ANKRD30BL: variants seen among roughly 807,000 people sequenced by gnomAD.
ANKRD30BL encodes ankyrin repeat domain 30B like.
A neutral mutation model predicts 18.4 loss-of-function variants in ANKRD30BL; 20 were observed. The observed-to-expected ratio is 1.09, with a 90% confidence interval of 0.77 to 1.58. ANKRD30BL has a LOEUF of 1.58. Among genes scored for constraint, ANKRD30BL ranks in the 40% most tolerant of loss-of-function variants. ANKRD30BL has a pLI of 0.00. For missense variants in ANKRD30BL, 224 were observed against 268.6 expected, an observed-to-expected ratio of 0.83 and a Z score of 1.16; for synonymous variants, 72 against 100.9, an observed-to-expected ratio of 0.71 and a Z score of 1.72.
At chr2:132,228,568 G>A (rs372414899) in intron 1 of ANKRD30BL, among the ~76,000 whole-genome samples, 14 of 151,444 alleles carry the variant, frequency 9.2e-5, no homozygotes, top group Middle Eastern at 3.4e-3. Flanking sequence ...CATTTGGAGC[G>A]CTTTGAGGCC....
At chr2:132,160,655 C>T (rs1688031450) in intron 1 of ANKRD30BL, among the ~76,000 whole-genome samples, 1 of 151,140 alleles carries the variant, frequency 6.6e-6, no homozygotes, top group African/African-American at 2.4e-5. Flanking sequence ...GTCTCGATCT[C>T]CTGACCTCAT....
At chr2:132,231,476 G>T (rs564897355) in intron 1 of ANKRD30BL, among the ~76,000 whole-genome samples, 7 of 152,300 alleles carry the variant, frequency 4.6e-5, no homozygotes, top group Non-Finnish European at 8.8e-5. Context: ...AGGTCAGTGG[G>T]TGCACGCACC....
In ANKRD30BL at chr2:132,239,533, A is replaced by G. The variant is rs548855751; in HGVS notation, n.441+17996T>C. Among the ~76,000 whole-genome samples the G allele has an allele frequency of 2.2e-3, 337 of 151,984 alleles. 1 individual carries two copies. The highest frequency in any genetic ancestry group is 7.3e-3 in the African/African-American group (302 of 41,512). ...TGTGATGTGTGTACTCAACTCACAG[A>G]GTTGAGCTATTCTTTTGATAGAGCA... On this transcript the variant is annotated intron_variant and non_coding_transcript_variant, in intron 1 of 4. Transcript: ENST00000470729.
chr2:132,175,450 C>T (rs531139844), intron 1 of ANKRD30BL, among the ~76,000 whole-genome samples: 2 of 152,338 alleles, frequency 1.3e-5, no homozygotes, highest in South Asian at 2.1e-4. Context: ...GGTGGTTTTT[C>T]TCCTATCTCA....
At chr2:132,225,372 T>A (rs1436998195) in intron 1 of ANKRD30BL, among the ~76,000 whole-genome samples, 2 of 152,106 alleles carry the variant, frequency 1.3e-5, no homozygotes, top group African/African-American at 2.4e-5. Flanking sequence ...TTGTGATGTT[T>A]GCCTTAAACT....
rs571662092 is a variant in ANKRD30BL, at chr2:132,255,937, G to C, written n.441+1592C>G. ...CTGGCGGCACCCGACCCCCCGGCCG[G>C]GGACGGAGAGGGGCTGACTGGGTTG... On this transcript the variant is annotated intron_variant and non_coding_transcript_variant, in intron 1 of 4. Transcript: ENST00000470729. Among the ~76,000 whole-genome samples, 249 of 152,280 alleles carry C rather than the reference G, an allele frequency of 1.6e-3. 1 individual carries two copies. Among genetic ancestry groups the C allele is most frequent in the African/African-American group, 5.7e-3 (235 of 41,568 alleles).
At chr2:132,150,609 C>T (rs1449137425) in intron 5 of ANKRD30BL, among the ~76,000 whole-genome samples, 4 of 151,640 alleles carry the variant, frequency 2.6e-5, no homozygotes, top group Admixed American at 2.0e-4. Flanking sequence ...AATAGATAAA[C>T]TTAAAAATTG....
At chr2:132,211,649 G>T (rs13401018) in intron 1 of ANKRD30BL, among the ~76,000 whole-genome samples, 3,215 of 151,534 alleles carry the variant, frequency 0.021, 108 homozygotes, top group African/African-American at 0.074. Flanking sequence ...CTTTACTTTT[G>T]ATTGAGCAGT....
intron 1 of ANKRD30BL, among the ~76,000 whole-genome samples, chr2:132,202,710 T>A (rs1484598515): frequency 1.3e-5 from 2 of 152,266 alleles, no homozygotes; most frequent in East Asian, 3.8e-4. Context: ...CATATATGAA[T>A]ATTTATATAT....
intron 1 of ANKRD30BL, among the ~76,000 whole-genome samples, chr2:132,186,105 G>A (rs1293910986): frequency 4.0e-5 from 6 of 151,192 alleles, no homozygotes; most frequent in Non-Finnish European, 5.9e-5. Context: ...ACTCCAACCT[G>A]GGTGACAGAG....
intron 1 of ANKRD30BL, among the ~76,000 whole-genome samples, chr2:132,189,182 A>G (rs1266447477): frequency 6.6e-6 from 1 of 152,240 alleles, no homozygotes; most frequent in Non-Finnish European, 1.5e-5. Context: ...GAAATTCTGC[A>G]CTTAGATGAA....
At chr2:132,179,631 A>G (rs1250645163) in intron 1 of ANKRD30BL, among the ~76,000 whole-genome samples, 4 of 151,874 alleles carry the variant, frequency 2.6e-5, no homozygotes, top group South Asian at 4.2e-4. Context: ...TTAAAAAAGA[A>G]AAAGAAAACT....
chr2:132,189,089 G>A (rs1004364131), intron 1 of ANKRD30BL, among the ~76,000 whole-genome samples: 2 of 152,148 alleles, frequency 1.3e-5, no homozygotes, highest in Non-Finnish European at 2.9e-5. Flanking sequence ...TTGAGTTACA[G>A]CACATCCCTT....
At chr2:132,206,445 G>A (rs1679214556) in intron 1 of ANKRD30BL, among the ~76,000 whole-genome samples, 2 of 152,132 alleles carry the variant, frequency 1.3e-5, no homozygotes, top group South Asian at 4.1e-4. Flanking sequence ...TTTAATCCCA[G>A]CTCTTCCACT....
chr2:132,214,171 T>C (rs981885535), intron 1 of ANKRD30BL, among the ~76,000 whole-genome samples: 1 of 151,992 alleles, frequency 6.6e-6, no homozygotes, highest in Non-Finnish European at 1.5e-5. Context: ...ACATAAAAAC[T>C]ATACAGAAAC....
chr2:132,163,298 C>T (rs1053063293), upstream of ANKRD30BL, among the ~76,000 whole-genome samples: 59 of 152,124 alleles, frequency 3.9e-4, 1 homozygote, highest in Middle Eastern at 6.8e-3. Context: ...AAAAATAAAA[C>T]CAATCAGCCA....
chr2:132,207,869 G>C (rs1484857724), intron 1 of ANKRD30BL, among the ~76,000 whole-genome samples: 1 of 152,152 alleles, frequency 6.6e-6, no homozygotes, highest in Admixed American at 6.6e-5. Flanking sequence ...ATGGAATGAT[G>C]GAAGACTGGT....
chr2:132,191,283 T>C (rs1163059580), intron 1 of ANKRD30BL, among the ~76,000 whole-genome samples: 3 of 152,244 alleles, frequency 2.0e-5, no homozygotes, highest in Non-Finnish European at 4.4e-5. Flanking sequence ...TGTATGGAAA[T>C]ACTACAATAT....
chr2:132,218,787 G>A (rs1291287463), intron 1 of ANKRD30BL, among the ~76,000 whole-genome samples: 2 of 152,018 alleles, frequency 1.3e-5, no homozygotes, highest in African/African-American at 2.4e-5. Context: ...GGCCTTCATT[G>A]GAAATGGGAA....
Sources: gnomAD v4.1 joint callset for allele counts (sites outside exome capture counted in the v4.1 genomes callset) on GRCh38, gnomAD v4.1.1 for gene constraint, MANE v1.5 for transcripts, NCBI Gene and HGNC (gene_info 2026-07-23, HGNC 2026-07-21) for gene names.